RYR2: variants seen among roughly 807,000 people sequenced by gnomAD.
RYR2 encodes the protein ryanodine receptor 2, also known as cardiac muscle ryanodine receptor-calcium release channel.
Under a neutral mutation model 601.1 loss-of-function variants are expected in RYR2, and 227 were observed. The ratio of observed to expected loss-of-function variants is 0.38; its 90% CI spans 0.34 to 0.42. The LOEUF is 0.42. Among genes scored for constraint, RYR2 ranks in the 10% least tolerant of loss-of-function variants. The pLI, the probability that RYR2 is intolerant of heterozygous loss-of-function variation, is 1.00. For synonymous variants in RYR2, 2,223 were observed against 2,175.1 expected (o/e 1.02, Z -0.61); for missense variants, 4,646 against 6,156.5 (o/e 0.75, Z 8.21).
intron 12 of RYR2, among the ~76,000 whole-genome samples, chr1:237,434,194 G>C (rs890540366): frequency 2.6e-5 from 4 of 152,116 alleles, no homozygotes; most frequent in Non-Finnish European, 5.9e-5. Flanking sequence ...TTTAACTTTA[G>C]ATTTTAAAGG....
At chr1:237,573,831 A>T (rs1185129702) in intron 29 of RYR2, among the ~76,000 whole-genome samples, 1 of 151,758 alleles carries the variant, frequency 6.6e-6, no homozygotes, top group Non-Finnish European at 1.5e-5. Flanking sequence ...ATGAAAATAA[A>T]AAGATGCTGT....
At chr1:237,556,880 CAA>C (rs869116177) in intron 27 of RYR2, among the ~76,000 whole-genome samples, 6 of 77,828 alleles carry the variant, frequency 7.7e-5, no homozygotes, top group African/African-American at 1.7e-4. Flanking sequence ...TCCCTCCCAC[CAA>C]AAAAAAAAAA....
intron 37 of RYR2, among the ~76,000 whole-genome samples, chr1:237,616,992 C>T (rs1167952689): frequency 6.6e-6 from 1 of 152,088 alleles, no homozygotes; most frequent in Non-Finnish European, 1.5e-5. Context: ...TTATCTCCAC[C>T]CAGCCCCGCC....
intron 1 of RYR2, among the ~76,000 whole-genome samples, chr1:237,149,522 G>A (rs913692437): frequency 6.6e-6 from 1 of 152,098 alleles, no homozygotes; most frequent in East Asian, 1.9e-4. Flanking sequence ...CATTTAATAG[G>A]ATTAACCATA....
intron 1 of RYR2, among the ~76,000 whole-genome samples, chr1:237,218,169 T>C (rs1683394101): frequency 6.6e-6 from 1 of 152,200 alleles, no homozygotes; most frequent in African/African-American, 2.4e-5. Context: ...TTATAGATTA[T>C]TAAGGGTTAT....
chr1:237,754,256 T>G (rs1692766350), intron 80 of RYR2, among the ~76,000 whole-genome samples: 1 of 152,278 alleles, frequency 6.6e-6, no homozygotes, highest in Admixed American at 6.5e-5. Flanking sequence ...CCAGGGAGTT[T>G]ATTTTTAAGC....
chr1:237,336,461 T>A (rs1223962695), intron 3 of RYR2, among the ~76,000 whole-genome samples: 1 of 152,218 alleles, frequency 6.6e-6, no homozygotes, highest in African/African-American at 2.4e-5. Flanking sequence ...GTCTTCAAAG[T>A]ACAAAATATT....
chr1:237,545,613 A>G (rs1669714057), intron 25 of RYR2, among the ~76,000 whole-genome samples: 1 of 152,166 alleles, frequency 6.6e-6, no homozygotes, highest in African/African-American at 2.4e-5. Context: ...GTGAGGAAGC[A>G]AGGAAGTACA....
At chr1:237,597,767 G>A (rs564202711) in intron 34 of RYR2, among the ~76,000 whole-genome samples, 1 of 152,192 alleles carries the variant, frequency 6.6e-6, no homozygotes, top group South Asian at 2.1e-4. Context: ...AAGCAAGAGA[G>A]CAAGAAAGAA....
Position 237,772,072 on chromosome 1 carries a change from C to A in RYR2, c.11618C>A (p.Ser3873Tyr). The A allele has an allele frequency of 6.5e-7, 1 of 1,543,266 alleles. No homozygotes were observed. Among genetic ancestry groups the A allele is most frequent in the Non-Finnish European group, 8.8e-7 (1 of 1,133,668 alleles). The change falls in exon 86 of 105, where the codon TCC (serine) becomes TAC (tyrosine). Residue 3873 changes from serine to tyrosine, a missense_variant. Around this residue, in one of 17 missense-constraint regions of RYR2, gnomAD observed 90 missense variants for 213.3 expected, o/e 0.42. Transcript: ENST00000366574. ...AATACAACTGTCAACATAATTATCT[C>A]CACTGTAGACTACCTACTGAGAGTT... is the stretch of plus-strand genomic sequence containing the variant. ...GNNTTVNIII[S>Y]TVDYLLRVQE... is the part of the protein sequence containing the mutation.
At chr1:237,621,284 A>G (rs1353545525) in intron 38 of RYR2, among the ~76,000 whole-genome samples, 1 of 152,168 alleles carries the variant, frequency 6.6e-6, no homozygotes, top group Non-Finnish European at 1.5e-5. Flanking sequence ...AATTTCTAAC[A>G]CTCAATGCTT....
chr1:237,591,385 A>G (rs1675186204), intron 31 of RYR2, among the ~76,000 whole-genome samples: 1 of 152,054 alleles, frequency 6.6e-6, no homozygotes, highest in African/African-American at 2.4e-5. Flanking sequence ...TTTTCTCCAA[A>G]TAGTATTTTT....
intron 2 of RYR2, among the ~76,000 whole-genome samples, chr1:237,286,896 G>T (rs201464628): frequency 2.5e-5 from 2 of 79,244 alleles, no homozygotes; most frequent in South Asian, 3.9e-4. Context: ...TTTTTAACTT[G>T]TATTTTTGTT....
At chr1:237,061,492 T>C (rs1662887424) in intron 1 of RYR2, among the ~76,000 whole-genome samples, 1 of 152,162 alleles carries the variant, frequency 6.6e-6, no homozygotes, top group Non-Finnish European at 1.5e-5. Context: ...TTTAATTTTT[T>C]GTAGAGATGA....
chr1:237,704,636 T>C (rs1294446696), intron 66 of RYR2, among the ~76,000 whole-genome samples: 1 of 152,086 alleles, frequency 6.6e-6, no homozygotes, highest in Non-Finnish European at 1.5e-5. Context: ...AAATTCGAGG[T>C]CACTTTTTTA....
chr1:237,541,038 A>C (rs1669208892), intron 25 of RYR2, among the ~76,000 whole-genome samples: 1 of 152,250 alleles, frequency 6.6e-6, no homozygotes, highest in South Asian at 2.1e-4. Flanking sequence ...GCACATGTAC[A>C]AAATTCACTT....
chr1:237,477,495 G>A (rs1351311237), intron 17 of RYR2, among the ~76,000 whole-genome samples: 1 of 152,210 alleles, frequency 6.6e-6, no homozygotes, highest in Admixed American at 6.5e-5. Flanking sequence ...AAGTTTCATT[G>A]TCAGGGACAG....
Position 237,456,175 on chromosome 1 carries a change from G to A in RYR2, c.1477-425G>A, listed in dbSNP as rs114229865. ...TCAGGCTGTATCTTACAAAGTTCAC[G>A]ATAATGCAAAAATGCATTACAGCAT... On this transcript the variant is annotated intron_variant, in intron 15 of 104. Coordinates refer to ENST00000366574, the MANE Select transcript of RYR2 (RefSeq NM_001035.3). 4.3e-3 allele frequency among the ~76,000 whole-genome samples: 656 copies of A among 152,112 alleles called. 3 individuals are homozygous for A. Among genetic ancestry groups the A allele is most frequent in the African/African-American group, 0.014 (588 of 41,474 alleles).
intron 1 of RYR2, among the ~76,000 whole-genome samples, chr1:237,109,439 T>C (rs1572665267): frequency 6.6e-6 from 1 of 152,234 alleles, no homozygotes; most frequent in East Asian, 1.9e-4. Context: ...GACTTTTGTG[T>C]GTGACATTAG....
Sources: gnomAD v4.1 joint callset for allele counts (sites outside exome capture counted in the v4.1 genomes callset) on GRCh38, gnomAD v4.1.1 for gene constraint, gnomAD v4.1.1 regional missense constraint, MANE v1.5 for transcripts, NCBI Gene and HGNC (gene_info 2026-07-23, HGNC 2026-07-21) for gene names.